Variants in NLGN1 observed in about 807,000 individuals in gnomAD.
The protein encoded by NLGN1 is neuroligin 1.
NLGN1 carries 12 observed loss-of-function variants against 65.5 expected under a neutral mutation model. The observed-to-expected ratio is 0.18, with a 90% confidence interval of 0.12 to 0.30. The LOEUF is 0.30. NLGN1 is among the 10% of genes least tolerant of loss of function. The probability of loss-of-function intolerance (pLI) is 1.00; values close to 1 mark genes in which losing one functional copy is unlikely to be tolerated. For synonymous variants in NLGN1, 350 were observed against 359.5 expected, an observed-to-expected ratio of 0.97 and a Z score of 0.30; for missense variants, 750 against 1,007.1, an observed-to-expected ratio of 0.74 and a Z score of 3.46.
At chr3:173,671,590 C>T (rs1264495866) in intron 3 of NLGN1, among the ~76,000 whole-genome samples, 1 of 152,190 alleles carries the variant, frequency 6.6e-6, no homozygotes, top group Non-Finnish European at 1.5e-5. Flanking sequence ...CAATACTTCT[C>T]CTGCCACTTT....
At chr3:173,979,451 T>A (rs1162498009) in intron 4 of NLGN1, among the ~76,000 whole-genome samples, 3 of 152,112 alleles carry the variant, frequency 2.0e-5, no homozygotes, top group Admixed American at 6.6e-5. Context: ...AAGTTGATTA[T>A]TAAGTGTAAG....
chr3:174,116,324 GGTTTTCTTTT>G (rs1217250850), intron 4 of NLGN1, among the ~76,000 whole-genome samples: 3 of 102,836 alleles, frequency 2.9e-5, no homozygotes, highest in East Asian at 2.9e-4. Flanking sequence ...TTTTTTTCTG[GGTTTTCTTTT>G]TTTTTTTTTT....
chr3:174,207,174 G>C (rs6445154), intron 4 of NLGN1, among the ~76,000 whole-genome samples: 111,232 of 148,902 alleles, frequency 0.75, 41,516 homozygotes, highest in East Asian at 0.81. Flanking sequence ...GTGTTTTATA[G>C]ATTGTTTTTT....
At chr3:173,631,558 G>A (rs948701289) in intron 3 of NLGN1, among the ~76,000 whole-genome samples, 2 of 152,060 alleles carry the variant, frequency 1.3e-5, no homozygotes, top group Admixed American at 1.3e-4. Context: ...TTCTCTCTTC[G>A]TACTTCATGA....
At chr3:173,529,128 A>G (rs538155843) in intron 2 of NLGN1, among the ~76,000 whole-genome samples, 4 of 152,020 alleles carry the variant, frequency 2.6e-5, no homozygotes, top group South Asian at 2.1e-4. Context: ...TATTTTATTT[A>G]TTTCCCACCC....
chr3:173,781,144 CAAAA>C lies in NLGN1; in HGVS notation c.494-26527_494-26524del, dbSNP rs769716428. Among the ~76,000 whole-genome samples the C allele has an allele frequency of 5.7e-4, 46 of 80,386 alleles. 3 individuals carry two copies. Among genetic ancestry groups the C allele is most frequent in the African/African-American group, 2.4e-3 (43 of 18,034 alleles). 52.7% of individuals were successfully genotyped at this position (80,386 alleles called of 152,430 possible). Reference sequence around the variant, plus strand: ...TGGGCTACAGAGCGAGACTCCGTCTCAAAAAAAAAAAAGTAAATATTGAAGAGCA... The same window carrying C: ...TGGGCTACAGAGCGAGACTCCGTCTCAAAAAAAAGTAAATATTGAAGAGCA... On this transcript the variant is annotated intron_variant, in intron 3 of 6. Coordinates refer to ENST00000457714, the Ensembl canonical transcript of NLGN1.
chr3:173,778,270 T>G (rs532930814), intron 3 of NLGN1, among the ~76,000 whole-genome samples: 35 of 152,070 alleles, frequency 2.3e-4, no homozygotes, highest in African/African-American at 8.2e-4. Flanking sequence ...AGACCTCTTT[T>G]TTAGTTGAAA....
intron 2 of NLGN1, among the ~76,000 whole-genome samples, chr3:173,476,648 C>G (rs2148949194): frequency 6.6e-6 from 1 of 152,234 alleles, no homozygotes; most frequent in Non-Finnish European, 1.5e-5. Context: ...CTGTGCTACA[C>G]TAAGGAATCT....
At chr3:173,906,727 C>T (rs909079956) in intron 4 of NLGN1, among the ~76,000 whole-genome samples, 2 of 151,662 alleles carry the variant, frequency 1.3e-5, no homozygotes, top group African/African-American at 2.4e-5. Context: ...TAGGTGCACC[C>T]GTAATTCCAG....
chr3:174,204,675 G>C (rs1022411621), intron 4 of NLGN1, among the ~76,000 whole-genome samples: 3 of 152,172 alleles, frequency 2.0e-5, no homozygotes, highest in Admixed American at 6.5e-5. Context: ...AGAAGATTGT[G>C]GTCTTTCCGT....
intron 3 of NLGN1, among the ~76,000 whole-genome samples, chr3:173,651,905 G>A (rs1379337167): frequency 1.3e-5 from 2 of 152,066 alleles, no homozygotes; most frequent in Non-Finnish European, 2.9e-5. Flanking sequence ...CGATTCTCCT[G>A]CCTCAGCTTC....
intron 4 of NLGN1, among the ~76,000 whole-genome samples, chr3:173,944,124 G>GTTGTCCGTGTGTGTGT (rs34721217): frequency 2.1e-5 from 3 of 139,596 alleles, no homozygotes; most frequent in African/African-American, 8.2e-5. Flanking sequence ...TAATATTATG[G>GTTGTCCGTGTGTGTGT]GTGTGTGTGT....
intron 4 of NLGN1, among the ~76,000 whole-genome samples, chr3:174,084,116 T>A (rs1330680352): frequency 6.6e-6 from 1 of 152,234 alleles, no homozygotes; most frequent in Non-Finnish European, 1.5e-5. Flanking sequence ...AGAATTTTTT[T>A]AACTTTAGTA....
intron 3 of NLGN1, among the ~76,000 whole-genome samples, chr3:173,761,849 A>G (rs1778012345): frequency 6.6e-6 from 1 of 152,086 alleles, no homozygotes; most frequent in Non-Finnish European, 1.5e-5. Context: ...AAAATCAGTG[A>G]ATATCAAGGC....
chr3:173,755,845 G>A (rs1413322660), intron 3 of NLGN1, among the ~76,000 whole-genome samples: 1 of 152,036 alleles, frequency 6.6e-6, no homozygotes, highest in Admixed American at 6.6e-5. Flanking sequence ...GCAAATTTAA[G>A]TGCATTAACA....
chr3:174,067,026 A>C (rs1047020326), intron 4 of NLGN1, among the ~76,000 whole-genome samples: 27 of 152,164 alleles, frequency 1.8e-4, no homozygotes, highest in African/African-American at 6.0e-4. Context: ...TGTATTTCTG[A>C]ATTTGTTGTT....
At chr3:173,539,610 TATATA>T (rs1449936984) in intron 2 of NLGN1, among the ~76,000 whole-genome samples, 2 of 132,352 alleles carry the variant, frequency 1.5e-5, no homozygotes, top group African/African-American at 6.0e-5. Context: ...ATATGTATGT[TATATA>T]TTATATATTT....
intron 4 of NLGN1, among the ~76,000 whole-genome samples, chr3:173,838,216 A>AT (rs1039923027): frequency 9.6e-5 from 5 of 52,346 alleles, no homozygotes; most frequent in South Asian, 6.8e-4. Context: ...ACCAGGGAAA[A>AT]TTAAAAAAAA....
chr3:173,575,350 G>T (rs1258518434), intron 2 of NLGN1, among the ~76,000 whole-genome samples: 1 of 152,046 alleles, frequency 6.6e-6, no homozygotes, highest in East Asian at 1.9e-4. Context: ...AATTTTCATG[G>T]CACTTTTTCA....
Sources: allele counts gnomAD v4.1 joint callset (sites outside exome capture counted in the v4.1 genomes callset), GRCh38; gene constraint gnomAD v4.1.1; transcripts MANE v1.5; gene names NCBI Gene and HGNC (gene_info 2026-07-23, HGNC 2026-07-21).